The following PLOD2 variants were observed in gnomAD, a reference collection of about 807,000 sequenced individuals.
The protein encoded by PLOD2 is lysine hydroxylase 2.
In PLOD2, 65 loss-of-function variants were observed where a neutral mutation model predicts 101.0. The observed-to-expected ratio is 0.64, with a 90% CI of 0.53 to 0.79. PLOD2 has a LOEUF of 0.79. Among genes scored for constraint, PLOD2 ranks in the 30% least tolerant of loss-of-function variants. The probability of loss-of-function intolerance (pLI) is 0.00; values close to 1 mark genes in which losing one functional copy is unlikely to be tolerated. For missense variants in PLOD2, 909 were observed against 914.6 expected, an observed-to-expected ratio of 0.99 and a Z score of 0.08; for synonymous variants, 314 against 302.9, an observed-to-expected ratio of 1.04 and a Z score of -0.38.
chr3:146,104,424 T>C, intron 5 of PLOD2, 82 bp from the exon 6 acceptor site: 1 of 774,190 alleles, frequency 1.3e-6, no homozygotes, highest in Non-Finnish European at 2.3e-6. Context: ...AGTTTGTTCT[T>C]TGAGGGAATT....
chr3:146,123,651 GCAGT>G lies in PLOD2; in HGVS notation c.201+483_201+486del, dbSNP rs753503344. On this transcript the variant is annotated intron_variant, in intron 2 of 19. Coordinates refer to ENST00000282903, the MANE Select transcript of PLOD2 (RefSeq NM_182943.3). The stretch of plus-strand genomic sequence containing the variant: ...CAAAACCCATTACAGAAAAAATTAT[GCAGT>G]CAGTGAAAAAAATCCCTGCCAAATC... Among the ~76,000 whole-genome samples, 458 of 151,946 alleles carry G rather than the reference GCAGT, an allele frequency of 3.0e-3. 3 individuals are homozygous for G. The highest frequency in any genetic ancestry group is 4.9e-3 in the Non-Finnish European group (333 of 67,894).
chr3:146,154,473 G>C (rs1295481673), intron 1 of PLOD2, among the ~76,000 whole-genome samples: 34 of 104,764 alleles, frequency 3.2e-4, no homozygotes, highest in Non-Finnish European at 6.5e-4. Context: ...AAAAAGAACA[G>C]CAAAAAAAAA....
At chr3:146,083,580 T>TCTTTC (rs11456231) in intron 11 of PLOD2, among the ~76,000 whole-genome samples, 63,800 of 107,634 alleles carry the variant, frequency 0.59, 15,073 homozygotes, top group East Asian at 0.65. Flanking sequence ...TCTTTTTCTT[T>TCTTTC]TTTTTTTTTT....
chr3:146,130,307 A>G lies in PLOD2; in HGVS notation c.110-6078T>C, dbSNP rs183663456. Among the ~76,000 whole-genome samples, 496 of 152,286 alleles carry G rather than the reference A, an allele frequency of 3.3e-3. 1 individual carries two copies. Among genetic ancestry groups the G allele is most frequent in the Admixed American group, 5.2e-3 (80 of 15,284 alleles). On this transcript the variant is annotated intron_variant, in intron 1 of 19. Transcript: ENST00000282903. ...GAGACCCTCTCTGACCTACTAGAGT[A>G]GGCCAGTACCCATGTTTTCACTGCA... is the stretch of plus-strand genomic sequence containing the variant.
At chr3:146,085,560 T>C in intron 10 of PLOD2, 1 of 478,008 alleles carries the variant, frequency 2.1e-6, no homozygotes, top group Non-Finnish European at 3.7e-6. Flanking sequence ...CAAATCAAAA[T>C]GTTTCTGCAT....
intron 12 of PLOD2, 74 bp from the exon 13 acceptor site, chr3:146,079,331 A>C: frequency 8.9e-7 from 1 of 1,117,888 alleles, no homozygotes; most frequent in South Asian, 1.3e-5. Context: ...ACCTTTTTAA[A>C]ATAAATGCTT....
intron 17 of PLOD2, among the ~76,000 whole-genome samples, chr3:146,072,279 T>G (rs1189240376): frequency 8.6e-5 from 13 of 151,656 alleles, no homozygotes; most frequent in Non-Finnish European, 3.0e-5. Context: ...TAAAGACATG[T>G]GTTACCTAAC....
chr3:146,102,907 CTG>C, intron 6 of PLOD2, 55 bp from the exon 7 acceptor site: 1 of 893,836 alleles, frequency 1.1e-6, no homozygotes, highest in African/African-American at 1.6e-5. Context: ...GTGTGTGTGT[CTG>C]TATTCGTGTG....
At position 146,088,670 on chromosome 3, in the gene PLOD2, T is replaced by TG. The variant is rs1225390570; in HGVS notation, c.920dup (p.Thr308AsnfsTer22). The TG allele has an allele frequency of 6.2e-7, 1 of 1,608,056 alleles. No homozygotes were observed. The highest frequency in any genetic ancestry group is 1.1e-5 in the South Asian group (1 of 90,878). ...CCAGAAACCGAGGTAGAAAAGGGGTTGGTTGCTCAATAAAAACACCTATTG... is the reference window on the plus strand; with the variant it reads ...CCAGAAACCGAGGTAGAAAAGGGGTTGGGTTGCTCAATAAAAACACCTATTG... On this transcript the variant is annotated frameshift_variant, in exon 9 of 20. Transcript: ENST00000282903. LOFTEE classifies it high-confidence loss of function.
At position 146,142,087 on chromosome 3, in the gene PLOD2, G is replaced by C. The variant is rs184399375; in HGVS notation, c.110-17858C>G. 2.7e-3 allele frequency among the ~76,000 whole-genome samples: 410 copies of C among 152,134 alleles called. 3 individuals are homozygous for C. Among genetic ancestry groups the C allele is most frequent in the Non-Finnish European group, 1.4e-3 (95 of 67,962 alleles). ...ATACATCTACTGTATGTAACCAAAT[G>C]TTCCTGTCAGAAAACAATTGCCAAA... On this transcript the variant is annotated intron_variant, in intron 1 of 19. Coordinates refer to ENST00000282903, the MANE Select transcript of PLOD2 (RefSeq NM_182943.3).
intron 7 of PLOD2, among the ~76,000 whole-genome samples, chr3:146,097,661 C>T (rs527641055): frequency 7.9e-4 from 97 of 122,746 alleles, no homozygotes; most frequent in African/African-American, 2.8e-3. Context: ...ACAAACACTG[C>T]GGAAGGCCGC....
intron 15 of PLOD2, among the ~76,000 whole-genome samples, chr3:146,074,043 T>C (rs1254841601): frequency 8.6e-4 from 130 of 151,632 alleles, no homozygotes; most frequent in African/African-American, 3.0e-3. Flanking sequence ...TAGGGCTCTA[T>C]ATTAAAAAAT....
chr3:146,083,725 G>T (rs905548718), intron 11 of PLOD2, among the ~76,000 whole-genome samples: 49 of 151,730 alleles, frequency 3.2e-4, no homozygotes, highest in African/African-American at 1.1e-3. Context: ...GGGACTACAG[G>T]TGCCCGCTAC....
chr3:146,079,402 A>G (rs1936454393), intron 12 of PLOD2, 145 bp from the exon 13 acceptor site: 1 of 650,830 alleles, frequency 1.5e-6, no homozygotes, highest in Admixed American at 2.4e-5. Flanking sequence ...TCAATGATAT[A>G]TATATAAGAT....
intron 11 of PLOD2, among the ~76,000 whole-genome samples, chr3:146,084,676 A>G (rs769766844): frequency 5.9e-5 from 9 of 152,110 alleles, no homozygotes; most frequent in African/African-American, 2.2e-4. Context: ...TTCCCATTTC[A>G]ATTGAGTTAA....
At chr3:146,090,745 CTATT>C (rs1450002629) in intron 8 of PLOD2, among the ~76,000 whole-genome samples, 1 of 151,804 alleles carries the variant, frequency 6.6e-6, no homozygotes, top group Non-Finnish European at 1.5e-5. Flanking sequence ...AGAATAGAAA[CTATT>C]TAATTCAGGA....
At chr3:146,153,100 G>A (rs1197464705) in intron 1 of PLOD2, among the ~76,000 whole-genome samples, 1 of 152,120 alleles carries the variant, frequency 6.6e-6, no homozygotes, top group Non-Finnish European at 1.5e-5. Flanking sequence ...AGGAGAAGAG[G>A]CCTCTGAAGA....
chr3:146,123,373 C>T, intron 2 of PLOD2: 1 of 607,218 alleles, frequency 1.6e-6, no homozygotes, highest in Non-Finnish European at 2.3e-6. Context: ...CCTCTCATAG[C>T]TGAGTTTAAT....
intron 15 of PLOD2, among the ~76,000 whole-genome samples, chr3:146,075,649 G>A (rs567107450): frequency 1.3e-5 from 2 of 151,688 alleles, no homozygotes; most frequent in African/African-American, 4.8e-5. Context: ...TTTAAAAAAT[G>A]TATTTTCCTA....
Sources: gnomAD v4.1 joint callset for allele counts (sites outside exome capture counted in the v4.1 genomes callset) on GRCh38, gnomAD v4.1.1 for gene constraint, MANE v1.5 for transcripts, NCBI Gene and HGNC (gene_info 2026-07-23, HGNC 2026-07-21) for gene names.